TOPAZ1: variants seen among roughly 807,000 people sequenced by gnomAD.
TOPAZ1 encodes testis and ovary specific TOPAZ 1, also known as protein TOPAZ1.
Under a neutral mutation model 172.2 loss-of-function variants are expected in TOPAZ1, and 66 were observed. The observed-to-expected ratio is 0.38, with a 90% CI of 0.31 to 0.47. The LOEUF is 0.47. TOPAZ1 is among the 20% of genes least tolerant of loss of function. The pLI is 0.99. For synonymous variants in TOPAZ1, 681 were observed against 683.9 expected (o/e 1.00, Z 0.07); for missense variants, 1,822 against 1,972.4 (o/e 0.92, Z 1.44).
chr3:44,304,021 G>A lies in TOPAZ1; in HGVS notation c.3804G>A (p.Gln1268=). 9.1e-6 allele frequency: 14 copies of A among 1,535,382 alleles called. No homozygotes were observed. The highest frequency in any genetic ancestry group is 1.2e-5 in the Non-Finnish European group (14 of 1,134,186). ...CTCTTTTCTTTTGTTAAAGGTTACAGATGAGACGATTTAAAAAGAACTGGA... is the reference window on the plus strand; with the variant it reads ...CTCTTTTCTTTTGTTAAAGGTTACAAATGAGACGATTTAAAAAGAACTGGA... The part of the protein sequence containing the change: ...TAVLEMKSRL[Q]MRRFKKNWKC... The change falls in exon 13 of 20, where the codon CAG becomes CAA. Residue 1268 remains glutamine, a synonymous_variant. Transcript: ENST00000309765.
chr3:44,294,160 A>C (rs1368743004), intron 12 of TOPAZ1, among the ~76,000 whole-genome samples: 1 of 152,152 alleles, frequency 6.6e-6, no homozygotes, highest in Non-Finnish European at 1.5e-5. Flanking sequence ...GAATTGCTTG[A>C]ATCTGGAAAG....
At chr3:44,242,420 A>C in intron 1 of TOPAZ1, 21 bp downstream of exon 1, 5 of 1,550,338 alleles carry the variant, frequency 3.2e-6, no homozygotes, top group Non-Finnish European at 4.4e-6. Context: ...ATCCACGATC[A>C]CTTACCTTTA....
chr3:44,313,446 C>T (rs1175635379), intron 16 of TOPAZ1, among the ~76,000 whole-genome samples: 1 of 151,226 alleles, frequency 6.6e-6, no homozygotes, highest in Non-Finnish European at 1.5e-5. Flanking sequence ...CCCATCTCTA[C>T]TAAAAATATA....
At chr3:44,328,126 G>A (rs1700623851) in intron 18 of TOPAZ1, 124 bp from the exon 19 acceptor site, 1 of 560,576 alleles carries the variant, frequency 1.8e-6, no homozygotes. Flanking sequence ...CATGTAATTT[G>A]TTAATCTACT....
At chr3:44,253,195 T>C (rs746921898) in intron 2 of TOPAZ1, among the ~76,000 whole-genome samples, 1 of 152,194 alleles carries the variant, frequency 6.6e-6, no homozygotes, top group Non-Finnish European at 1.5e-5. Flanking sequence ...GTTAATAATA[T>C]GCCAGGACAA....
intron 5 of TOPAZ1, among the ~76,000 whole-genome samples, chr3:44,266,515 G>A: frequency 6.6e-6 from 1 of 152,118 alleles, no homozygotes; most frequent in Non-Finnish European, 1.5e-5. Flanking sequence ...CTGCTTAGAG[G>A]ACATAGTAGG....
chr3:44,309,707 C>T, intron 15 of TOPAZ1, 118 bp from the exon 16 acceptor site: 1 of 731,878 alleles, frequency 1.4e-6, no homozygotes, highest in Non-Finnish European at 2.2e-6. Context: ...AGCAGCTTAA[C>T]AGCCAGCAGT....
At chr3:44,305,446 C>T (rs532874643) in intron 14 of TOPAZ1, 125 bp downstream of exon 14, 35 of 726,608 alleles carry the variant, frequency 4.8e-5, no homozygotes, top group South Asian at 4.5e-4. Context: ...CATAGCTCAC[C>T]GCAGCCTCGA....
In TOPAZ1 at chr3:44,242,906, C is replaced by G; in HGVS notation, c.400C>G (p.Leu134Val). ...EASSDDPQPGLDLVRKESLTS... is the reference protein window; with the variant it reads ...EASSDDPQPGVDLVRKESLTS... The stretch of plus-strand genomic sequence containing the variant: ...CTCAAGTGATGATCCACAGCCAGGG[C>G]TTGACTTGGTAAGAAAGGAATCATT... Residue 134 changes from leucine (L) to valine (V), a missense_variant, in exon 2 of 20, where the codon CTT becomes GTT. Coordinates refer to ENST00000309765, the MANE Select transcript of TOPAZ1 (RefSeq NM_001145030.2). 8 of 1,540,026 alleles carry G rather than the reference C, an allele frequency of 5.2e-6. No individual in the cohort carries two copies. The highest frequency in any genetic ancestry group is 7.0e-6 in the Non-Finnish European group (8 of 1,144,252).
intron 15 of TOPAZ1, among the ~76,000 whole-genome samples, chr3:44,308,012 A>C (rs1700354247): frequency 1.3e-5 from 2 of 152,152 alleles, no homozygotes; most frequent in Non-Finnish European, 2.9e-5. Context: ...AGTGGCTCAC[A>C]CCTGTAATCC....
At chr3:44,317,950 A>T (rs1379175039) in intron 16 of TOPAZ1, among the ~76,000 whole-genome samples, 1 of 152,258 alleles carries the variant, frequency 6.6e-6, no homozygotes, top group Non-Finnish European at 1.5e-5. Flanking sequence ...ACTTTGATAC[A>T]TAGAATAATT....
chr3:44,266,118 G>A (rs576723219), intron 5 of TOPAZ1, among the ~76,000 whole-genome samples: 27 of 152,280 alleles, frequency 1.8e-4, no homozygotes, highest in African/African-American at 6.3e-4. Flanking sequence ...GAAACCTCAT[G>A]AACCAATTTT....
At chr3:44,285,567 ATT>A (rs1700069139) in intron 9 of TOPAZ1, among the ~76,000 whole-genome samples, 1 of 43,086 alleles carries the variant, frequency 2.3e-5, no homozygotes, top group Non-Finnish European at 5.3e-5. Context: ...AGAAGGTATC[ATT>A]ATTTGTTTTT....
At chr3:44,336,113 C>T (rs1700723016), downstream of TOPAZ1, among the ~76,000 whole-genome samples, 1 of 152,170 alleles carries the variant, frequency 6.6e-6, no homozygotes, top group African/African-American at 2.4e-5. Flanking sequence ...TCTGGAACAG[C>T]CTGGTTAGGA....
At chr3:44,335,964 A>G (rs915592507), downstream of TOPAZ1, among the ~76,000 whole-genome samples, 1 of 152,230 alleles carries the variant, frequency 6.6e-6, no homozygotes, top group Non-Finnish European at 1.5e-5. Flanking sequence ...AGATCTGTAC[A>G]AGCACTACAA....
rs1700676555 is a variant in TOPAZ1, at chr3:44,332,026, T to C, written c.*15T>C. The C allele has an allele frequency of 1.2e-5, 2 of 170,106 alleles. No homozygotes were observed. The highest frequency in any genetic ancestry group is 2.2e-5 in the Non-Finnish European group (2 of 90,354). 10.5% of individuals were successfully genotyped at this position (170,106 alleles called of 1,614,324 possible). On this transcript the variant is annotated 3_prime_UTR_variant, in exon 20 of 20. Transcript: ENST00000309765. ...GTAACCATTAGCTAATAAAGTCTGC[T>C]TTTTTTTTTTTTTTAGTTCAAGTAA...
At position 44,271,355 on chromosome 3, in the gene TOPAZ1, G is replaced by A. The variant is rs149801923; in HGVS notation, c.3372+545G>A. ...TGCATATAGCCATTCTGGTGGGTGG[G>A]TAGTGATACCTTCCCTGATGATTGA... On this transcript the variant is annotated intron_variant, in intron 8 of 19. Transcript: ENST00000309765. Among the ~76,000 whole-genome samples the A allele has an allele frequency of 4.1e-3, 628 of 152,248 alleles. 9 individuals are homozygous for A. The highest frequency in any genetic ancestry group is 0.014 in the African/African-American group (595 of 41,550).
chr3:44,244,378 C>G lies in TOPAZ1; in HGVS notation c.1872C>G (p.Ser624Arg). The change falls in exon 2 of 20, where the codon AGC (serine) becomes AGG (arginine). Residue 624 changes from serine (S) to arginine (R), a missense_variant. By Grantham distance (110) the Ser-to-Arg change is moderately radical. This residue lies in a region of TOPAZ1 where 1,489 missense variants were observed against 1,490.8 expected (regional missense o/e 1.00). Coordinates refer to ENST00000309765, the MANE Select transcript of TOPAZ1 (RefSeq NM_001145030.2). Reference sequence around the variant, plus strand: ...CTCAATTAACCAGTGAGACTCAAAGCTTAACGGGAAATAAAAAAAAAGCTA... The same window carrying G: ...CTCAATTAACCAGTGAGACTCAAAGGTTAACGGGAAATAAAAAAAAAGCTA... ...EDTQLTSETQSLTGNKKKARG... is the reference protein window; with the variant it reads ...EDTQLTSETQRLTGNKKKARG... The G allele has an allele frequency of 6.4e-7, 1 of 1,550,872 alleles. No individual in the cohort carries two copies. The highest frequency in any genetic ancestry group is 8.7e-7 in the Non-Finnish European group (1 of 1,146,798).
At position 44,257,352 on chromosome 3, in the gene TOPAZ1, G is replaced by GGTGTGTGTGTGTGTGTGTGT. The variant is rs59827431; in HGVS notation, c.2955+1111_2955+1130dup. On this transcript the variant is annotated intron_variant, in intron 4 of 19. Coordinates refer to ENST00000309765, the MANE Select transcript of TOPAZ1 (RefSeq NM_001145030.2). ...CCTGTCTCAAAAAAGAAAACATAGGGGTGTGTGTGTGTGTGTGTGTGTGTG... is the reference window on the plus strand; with the variant it reads ...CCTGTCTCAAAAAAGAAAACATAGGGGTGTGTGTGTGTGTGTGTGTGTGTGTGTGTGTGTGTGTGTGTGTG... 6.3e-5 allele frequency among the ~76,000 whole-genome samples: 7 copies of GGTGTGTGTGTGTGTGTGTGT among 110,386 alleles called. No homozygotes were observed. In the East Asian group the frequency reaches 7.1e-4, roughly 11 times the overall value. 72.4% of individuals were successfully genotyped at this position (110,386 alleles called of 152,430 possible).
Sources: allele counts gnomAD v4.1 joint callset (sites outside exome capture counted in the v4.1 genomes callset), GRCh38; gene constraint gnomAD v4.1.1; regional missense constraint gnomAD v4.1.1; transcripts MANE v1.5; gene names NCBI Gene and HGNC (gene_info 2026-07-23, HGNC 2026-07-21).